The following ICA1 variants were observed in gnomAD, a reference collection of about 807,000 sequenced individuals.
ICA1 encodes 69 kDa islet cell autoantigen.
In ICA1, 40 loss-of-function variants were observed where a neutral mutation model predicts 71.0. The ratio of observed to expected loss-of-function variants is 0.56; its 90% confidence interval spans 0.44 to 0.73. The LOEUF is 0.73. Among genes scored for constraint, ICA1 ranks in the 30% least tolerant of loss-of-function variants. The probability of loss-of-function intolerance (pLI) is 0.00; values close to 1 mark genes in which losing one functional copy is unlikely to be tolerated. For missense variants in ICA1, 578 were observed against 576.5 expected (o/e 1.00, Z -0.03); for synonymous variants, 207 against 209.5 (o/e 0.99, Z 0.10).
intron 6 of ICA1, among the ~76,000 whole-genome samples, chr7:8,180,398 T>C (rs984796119): frequency 6.6e-6 from 1 of 152,186 alleles, no homozygotes; most frequent in African/African-American, 2.4e-5. Context: ...ATTGAATGAA[T>C]GGTACCACAA....
At chr7:8,143,165 A>G (rs1192045361) in intron 9 of ICA1, among the ~76,000 whole-genome samples, 3 of 152,204 alleles carry the variant, frequency 2.0e-5, no homozygotes, top group Non-Finnish European at 4.4e-5. Flanking sequence ...AAGCTATTAT[A>G]TCTCCATAGA....
chr7:8,206,560 T>A lies in ICA1; in HGVS notation c.579+11745A>T, dbSNP rs3757513. Among the ~76,000 whole-genome samples, 470 of 152,240 alleles carry A rather than the reference T, an allele frequency of 3.1e-3. 7 individuals carry two copies. In the East Asian group the frequency reaches 0.043, roughly 14 times the overall value. On this transcript the variant is annotated intron_variant, in intron 6 of 13. Transcript: ENST00000402384. Reference sequence around the variant, plus strand: ...ATATTTTTAATACAAATTATTTTAATGGGTAACCCGTGCACATGGCACAAC... The same window carrying A: ...ATATTTTTAATACAAATTATTTTAAAGGGTAACCCGTGCACATGGCACAAC...
chr7:8,241,133 A>T (rs1265347032), intron 1 of ICA1, among the ~76,000 whole-genome samples: 1 of 152,216 alleles, frequency 6.6e-6, no homozygotes, highest in African/African-American at 2.4e-5. Context: ...CAAGGTTGAA[A>T]TGAAGGAAAA....
chr7:8,149,913 C>T (rs1368836237), intron 8 of ICA1, among the ~76,000 whole-genome samples: 1 of 152,150 alleles, frequency 6.6e-6, no homozygotes, highest in Non-Finnish European at 1.5e-5. Flanking sequence ...TGTGTACTGG[C>T]CACATAATTC....
In ICA1 at chr7:8,157,219, AAAG is replaced by A; in HGVS notation, c.706-8_706-6del. 1 of 1,595,970 alleles carries A rather than the reference AAAG, an allele frequency of 6.3e-7. No individual in the cohort carries two copies. Among genetic ancestry groups the A allele is most frequent in the Non-Finnish European group, 8.5e-7 (1 of 1,174,018 alleles). ...CCAAAAATGAAGCAGAGTGGTCTGC[AAAG>A]AAAGACAGTAAAGCTATTAATGTTT... On this transcript the variant is annotated splice_region_variant and splice_polypyrimidine_tract_variant and intron_variant, in intron 7 of 13. Coordinates refer to ENST00000402384, the MANE Select transcript of ICA1 (RefSeq NM_001136020.3).
chr7:8,198,208 C>A (rs1788356427), intron 6 of ICA1, among the ~76,000 whole-genome samples: 1 of 152,220 alleles, frequency 6.6e-6, no homozygotes, highest in Admixed American at 6.5e-5. Flanking sequence ...CTACTTCATG[C>A]TCCTTCTCTT....
intron 1 of ICA1, among the ~76,000 whole-genome samples, chr7:8,254,951 T>C (rs1371413468): frequency 6.6e-6 from 1 of 152,120 alleles, no homozygotes; most frequent in Non-Finnish European, 1.5e-5. Context: ...TGGGGAACCA[T>C]GGCCTTGGCA....
chr7:8,116,475 T>G (rs1449617154), intron 13 of ICA1: 1 of 152,218 alleles, frequency 6.6e-6, no homozygotes, highest in African/African-American at 2.4e-5. Flanking sequence ...ATAGGAGATA[T>G]GCATCATCGA....
chr7:8,255,359 T>C (rs1809714281), intron 1 of ICA1, among the ~76,000 whole-genome samples: 1 of 152,232 alleles, frequency 6.6e-6, no homozygotes, highest in Admixed American at 6.5e-5. Context: ...AATGCTCCTC[T>C]TCCTCTACTT....
At chr7:8,205,989 C>G (rs368798662) in intron 6 of ICA1, among the ~76,000 whole-genome samples, 5 of 152,220 alleles carry the variant, frequency 3.3e-5, no homozygotes, top group African/African-American at 9.6e-5. Flanking sequence ...ATAGCTGCCC[C>G]CTCCACAGCC....
chr7:8,156,673 T>C (rs1801624519), intron 8 of ICA1: 2 of 664,452 alleles, frequency 3.0e-6, no homozygotes, highest in African/African-American at 3.8e-5. Flanking sequence ...ATGATACATT[T>C]CAGAAGTAAG....
intron 6 of ICA1, among the ~76,000 whole-genome samples, chr7:8,216,720 G>A (rs1418828252): frequency 6.6e-6 from 1 of 152,106 alleles, no homozygotes; most frequent in Non-Finnish European, 1.5e-5. Flanking sequence ...AGTATGAAAG[G>A]CCTTTTTCAA....
intron 6 of ICA1, among the ~76,000 whole-genome samples, chr7:8,187,576 C>T (rs1213991530): frequency 6.6e-6 from 1 of 152,162 alleles, no homozygotes; most frequent in Non-Finnish European, 1.5e-5. Flanking sequence ...GTTTTTCTTT[C>T]TTTGATAATA....
intron 1 of ICA1, among the ~76,000 whole-genome samples, chr7:8,254,128 T>C (rs1809190732): frequency 6.6e-6 from 1 of 152,190 alleles, no homozygotes; most frequent in Non-Finnish European, 1.5e-5. Context: ...CTGAAGGAAC[T>C]GAGGGAAATT....
At chr7:8,114,443 C>G (rs772758596) in intron 13 of ICA1, among the ~76,000 whole-genome samples, 1 of 152,200 alleles carries the variant, frequency 6.6e-6, no homozygotes, top group Non-Finnish European at 1.5e-5. Context: ...CTGGAGGAAT[C>G]TTTTCAAATC....
At chr7:8,208,854 TA>T (rs964259716) in intron 6 of ICA1, among the ~76,000 whole-genome samples, 41 of 152,258 alleles carry the variant, frequency 2.7e-4, no homozygotes, top group African/African-American at 9.6e-4. Flanking sequence ...CCAAAAGCAT[TA>T]AGTGATGAAA....
chr7:8,258,212 C>T lies in ICA1; in HGVS notation c.-80+3882G>A, dbSNP rs114565154. Among the ~76,000 whole-genome samples, 461 of 152,296 alleles carry T rather than the reference C, an allele frequency of 3.0e-3. 2 individuals are homozygous for T. The highest frequency in any genetic ancestry group is 0.01 in the African/African-American group (428 of 41,556). ...TCTTTCCCTCTTTTACTCAGCTGTA[C>T]GCTCCTCCAGAGCATGGTGGGGTCT... On this transcript the variant is annotated intron_variant, in intron 1 of 13. Coordinates refer to ENST00000402384, the MANE Select transcript of ICA1 (RefSeq NM_001136020.3).
At chr7:8,166,419 G>A (rs555865725) in intron 6 of ICA1, among the ~76,000 whole-genome samples, 2 of 152,272 alleles carry the variant, frequency 1.3e-5, no homozygotes, top group South Asian at 4.1e-4. Flanking sequence ...AATAAATGGT[G>A]CTGGGATAAC....
intron 10 of ICA1, among the ~76,000 whole-genome samples, chr7:8,139,371 G>A (rs1794458338): frequency 6.6e-6 from 1 of 152,110 alleles, no homozygotes; most frequent in East Asian, 1.9e-4. Flanking sequence ...TAGCCATATG[G>A]GCCTGGCTAA....
Sources: gnomAD v4.1 joint callset for allele counts (sites outside exome capture counted in the v4.1 genomes callset) on GRCh38, gnomAD v4.1.1 for gene constraint, MANE v1.5 for transcripts, NCBI Gene and HGNC (gene_info 2026-07-23, HGNC 2026-07-21) for gene names.